The following ENOX1 variants were observed in gnomAD, a reference collection of about 807,000 sequenced individuals.
The protein encoded by ENOX1 is candidate growth-related and time keeping constitutive hydroquinone (NADH) oxidase.
In ENOX1, 42 loss-of-function variants were observed where a neutral mutation model predicts 82.5. The ratio of observed to expected loss-of-function variants is 0.51; its 90% CI spans 0.40 to 0.66. The LOEUF (loss-of-function observed/expected upper bound fraction) is 0.66. Ranked by LOEUF, ENOX1 falls within the 30% of genes least tolerant of loss-of-function variation. The pLI, the probability that ENOX1 is intolerant of heterozygous loss-of-function variation, is 0.00. For missense variants in ENOX1, 608 were observed against 811.6 expected (o/e 0.75, Z 3.05); for synonymous variants, 271 against 282.2 (o/e 0.96, Z 0.40).
intron 2 of ENOX1, among the ~76,000 whole-genome samples, chr13:43,614,918 C>T (rs966695679): frequency 6.6e-6 from 1 of 152,094 alleles, no homozygotes; most frequent in African/African-American, 2.4e-5. Context: ...CCCAGAACTA[C>T]TGAATCAGAA....
At chr13:43,720,031 A>T (rs1052442919) in intron 1 of ENOX1, among the ~76,000 whole-genome samples, 12 of 152,190 alleles carry the variant, frequency 7.9e-5, no homozygotes, top group Non-Finnish European at 1.2e-4. Flanking sequence ...TTTAACTGTA[A>T]TCATTCTAAA....
At chr13:43,412,587 G>A (rs1459069862) in intron 4 of ENOX1, among the ~76,000 whole-genome samples, 2 of 152,182 alleles carry the variant, frequency 1.3e-5, no homozygotes, top group East Asian at 1.9e-4. Flanking sequence ...TCTACCTAAC[G>A]TGACTTTTCT....
chr13:43,314,199 C>T (rs2047358987), intron 11 of ENOX1, among the ~76,000 whole-genome samples: 2 of 152,170 alleles, frequency 1.3e-5, no homozygotes, highest in Admixed American at 1.3e-4. Context: ...TCTTTGATAT[C>T]AAGAGCATTC....
At chr13:43,541,776 T>C (rs1349268468) in intron 2 of ENOX1, among the ~76,000 whole-genome samples, 2 of 152,208 alleles carry the variant, frequency 1.3e-5, no homozygotes, top group African/African-American at 4.8e-5. Flanking sequence ...ACAACCATCA[T>C]GTTTGTAATT....
chr13:43,312,391 T>C (rs1345475600), intron 11 of ENOX1, among the ~76,000 whole-genome samples: 1 of 152,152 alleles, frequency 6.6e-6, no homozygotes, highest in African/African-American at 2.4e-5. Context: ...AAACTGGTGA[T>C]CCTCAGGTAG....
At chr13:43,299,058 G>A (rs1390016702) in intron 11 of ENOX1, among the ~76,000 whole-genome samples, 2 of 152,114 alleles carry the variant, frequency 1.3e-5, no homozygotes, top group Non-Finnish European at 2.9e-5. Flanking sequence ...AAATTGCACA[G>A]ATTGTTTTCC....
In ENOX1 at chr13:43,470,329, T is replaced by TA. The variant is rs1408710966; in HGVS notation, c.-75+13679_-75+13680insT. 4.9e-5 allele frequency among the ~76,000 whole-genome samples: 3 copies of TA among 61,126 alleles called. No individual in the cohort carries two copies. The East Asian group carries it at 1.1e-3, about 23-fold the overall frequency. 40.1% of individuals were successfully genotyped at this position (61,126 alleles called of 152,430 possible). A position where few individuals can be genotyped will look rare whatever the true frequency, so the allele number is the denominator to read the frequency against. On this transcript the variant is annotated intron_variant, in intron 3 of 16. Transcript: ENST00000690772. ...ATACATATATATACACATATATATA[T>TA]GTATATATATACGTATATATATATG...
At position 43,757,046 on chromosome 13, in the gene ENOX1, A is replaced by T. The variant is rs532488540; in HGVS notation, c.-285+29606T>A. On this transcript the variant is annotated intron_variant, in intron 1 of 16. Transcript: ENST00000690772. ...TCGTTAATCCAATTTCTTAACATAG[A>T]CATATAATATTGATTTTCAAACTCC... Among the ~76,000 whole-genome samples the T allele has an allele frequency of 2.6e-5, 4 of 152,044 alleles. No homozygotes were observed. In the East Asian group the frequency reaches 7.7e-4, roughly 29 times the overall value.
intron 2 of ENOX1, among the ~76,000 whole-genome samples, chr13:43,538,366 T>C (rs1384459273): frequency 2.0e-5 from 3 of 152,216 alleles, no homozygotes; most frequent in South Asian, 2.1e-4. Context: ...GGGGTACACA[T>C]ATATAAATTA....
intron 3 of ENOX1, among the ~76,000 whole-genome samples, chr13:43,442,586 G>GA (rs1262324682): frequency 1.3e-5 from 2 of 152,008 alleles, no homozygotes; most frequent in Admixed American, 6.5e-5. Context: ...GGGCAGTCTG[G>GA]AAAAAATGAA....
chr13:43,645,413 C>A (rs1325659573), intron 2 of ENOX1, among the ~76,000 whole-genome samples: 7 of 152,146 alleles, frequency 4.6e-5, no homozygotes, highest in Non-Finnish European at 2.9e-5. Flanking sequence ...GCCACCAGAG[C>A]CTACCAAAGT....
chr13:43,440,650 A>G (rs1423162413), intron 3 of ENOX1, among the ~76,000 whole-genome samples: 2 of 152,198 alleles, frequency 1.3e-5, no homozygotes, highest in Non-Finnish European at 2.9e-5. Flanking sequence ...AAAACTAAAA[A>G]TAAGAGCAAC....
At chr13:43,767,967 G>A (rs1035008811) in intron 1 of ENOX1, among the ~76,000 whole-genome samples, 5 of 152,160 alleles carry the variant, frequency 3.3e-5, no homozygotes, top group East Asian at 3.9e-4. Flanking sequence ...GGGGGGGAGC[G>A]GAGGGGGGCT....
intron 3 of ENOX1, among the ~76,000 whole-genome samples, chr13:43,451,648 C>T (rs2056972167): frequency 6.6e-6 from 1 of 152,188 alleles, no homozygotes; most frequent in Non-Finnish European, 1.5e-5. Context: ...AAGATACGTA[C>T]ATGTACATGG....
chr13:43,228,982 T>C (rs1213966223), intron 15 of ENOX1, among the ~76,000 whole-genome samples: 1 of 152,176 alleles, frequency 6.6e-6, no homozygotes, highest in Non-Finnish European at 1.5e-5. Flanking sequence ...CTCATTGAAT[T>C]ATAGCTCCCA....
chr13:43,265,570 A>C (rs2044326802), intron 13 of ENOX1, 116 bp from the exon 14 acceptor site: 1 of 829,942 alleles, frequency 1.2e-6, no homozygotes, highest in Middle Eastern at 2.7e-4. Context: ...AAAACTTCCA[A>C]TGAGATAAAA....
chr13:43,554,862 G>A (rs1164432193), intron 2 of ENOX1, among the ~76,000 whole-genome samples: 2 of 152,190 alleles, frequency 1.3e-5, no homozygotes, highest in African/African-American at 2.4e-5. Flanking sequence ...TTAAAAGTGT[G>A]AGCCACGGTG....
chr13:43,740,295 A>G (rs2089839279), intron 1 of ENOX1, among the ~76,000 whole-genome samples: 1 of 152,130 alleles, frequency 6.6e-6, no homozygotes, highest in Non-Finnish European at 1.5e-5. Context: ...ACTCTGAAAG[A>G]GAAGGGAAAC....
At chr13:43,745,480 C>T (rs896242270) in intron 1 of ENOX1, among the ~76,000 whole-genome samples, 1 of 152,148 alleles carries the variant, frequency 6.6e-6, no homozygotes, top group Non-Finnish European at 1.5e-5. Context: ...TCTTTTGAAA[C>T]TTCCTTTAAT....
Sources: allele counts gnomAD v4.1 joint callset (sites outside exome capture counted in the v4.1 genomes callset), GRCh38; gene constraint gnomAD v4.1.1; transcripts MANE v1.5; gene names NCBI Gene and HGNC (gene_info 2026-07-23, HGNC 2026-07-21).